The following EYS variants were observed in gnomAD, a reference collection of about 807,000 sequenced individuals.
EYS encodes the protein EGF-like photoreceptor maintenance factor.
A neutral mutation model predicts 282.1 loss-of-function variants in EYS; 250 were observed. The observed-to-expected ratio is 0.89, with a 90% CI of 0.80 to 0.98. The LOEUF (loss-of-function observed/expected upper bound fraction) is 0.98. EYS is among the 50% of genes least tolerant of loss of function. EYS has a pLI of 0.00. For synonymous variants in EYS, 1,355 were observed against 1,282.9 expected (o/e 1.06, Z -1.20); for missense variants, 4,016 against 3,709.0 (o/e 1.08, Z -2.15).
At chr6:64,328,564 A>G (rs952818893) in intron 29 of EYS, among the ~76,000 whole-genome samples, 3 of 152,190 alleles carry the variant, frequency 2.0e-5, no homozygotes, top group African/African-American at 2.4e-5. Context: ...GCTGCGGGTA[A>G]TCAGTGTATG....
chr6:64,564,225 G>C (rs940737682), intron 26 of EYS, among the ~76,000 whole-genome samples: 2 of 142,446 alleles, frequency 1.4e-5, no homozygotes, highest in African/African-American at 5.2e-5. Context: ...AGTGTGCAAG[G>C]GTTTCCTTTT....
intron 15 of EYS, among the ~76,000 whole-genome samples, chr6:64,940,620 G>A (rs1769057398): frequency 6.6e-6 from 1 of 151,856 alleles, no homozygotes. Context: ...ATGTCTCTGG[G>A]TCTTTTTATT....
intron 22 of EYS, among the ~76,000 whole-genome samples, chr6:64,709,584 A>G (rs1022741441): frequency 6.6e-6 from 1 of 152,204 alleles, no homozygotes; most frequent in Non-Finnish European, 1.5e-5. Context: ...ATTATTTACC[A>G]TAATCACTTC....
intron 30 of EYS, among the ~76,000 whole-genome samples, chr6:64,298,097 G>T (rs1561914783): frequency 6.6e-6 from 1 of 152,098 alleles, no homozygotes; most frequent in Non-Finnish European, 1.5e-5. Flanking sequence ...GAATCCTGCA[G>T]TGTGAAATGA....
intron 19 of EYS, among the ~76,000 whole-genome samples, chr6:64,881,767 A>G (rs1766926361): frequency 6.6e-6 from 1 of 151,836 alleles, no homozygotes; most frequent in Non-Finnish European, 1.5e-5. Flanking sequence ...TTGCATCTGG[A>G]TAGTAAATCT....
intron 22 of EYS, among the ~76,000 whole-genome samples, chr6:64,706,508 A>G (rs1771022857): frequency 6.6e-6 from 1 of 152,204 alleles, no homozygotes. Context: ...AGAAATAATC[A>G]GTAGACTAAA....
chr6:64,118,658 A>G (rs773550186), intron 31 of EYS, among the ~76,000 whole-genome samples: 1 of 152,174 alleles, frequency 6.6e-6, no homozygotes, highest in Non-Finnish European at 1.5e-5. Context: ...TCAAAAGCAC[A>G]GGCAACAAAA....
intron 31 of EYS, among the ~76,000 whole-genome samples, chr6:64,113,366 T>C (rs1010361956): frequency 6.6e-6 from 1 of 152,208 alleles, no homozygotes; most frequent in Non-Finnish European, 1.5e-5. Flanking sequence ...TTGAATATTA[T>C]GTAATCTTTT....
At chr6:63,736,907 G>A (rs371488890) in intron 41 of EYS, among the ~76,000 whole-genome samples, 1 of 152,040 alleles carries the variant, frequency 6.6e-6, no homozygotes, top group Non-Finnish European at 1.5e-5. Context: ...TTGGTGTATA[G>A]GAATGCTTGT....
chr6:65,652,036 T>G (rs1384949171), intron 1 of EYS, among the ~76,000 whole-genome samples: 1 of 151,956 alleles, frequency 6.6e-6, no homozygotes. Context: ...GCTCCATTTT[T>G]TTCTGATGTA....
At chr6:64,366,142 G>A (rs1454660071) in intron 29 of EYS, among the ~76,000 whole-genome samples, 1 of 152,008 alleles carries the variant, frequency 6.6e-6, no homozygotes, top group Admixed American at 6.6e-5. Flanking sequence ...TCTGCCATTA[G>A]GAAGTGAAGT....
At chr6:64,394,443 A>G (rs1036785808) in intron 28 of EYS, among the ~76,000 whole-genome samples, 5 of 152,194 alleles carry the variant, frequency 3.3e-5, no homozygotes, top group African/African-American at 7.2e-5. Context: ...ATATAGATCA[A>G]TGGAACAGAA....
intron 29 of EYS, among the ~76,000 whole-genome samples, chr6:64,351,425 C>G (rs1033319503): frequency 6.6e-6 from 1 of 151,414 alleles, no homozygotes; most frequent in Non-Finnish European, 1.5e-5. Flanking sequence ...CTCTATCTAT[C>G]TATGCATCCA....
rs1286304117 is a variant in EYS, at chr6:65,367,086, G to A, written c.1300-13469C>T. Among the ~76,000 whole-genome samples the A allele has an allele frequency of 2.0e-5, 3 of 151,584 alleles. No individual in the cohort carries two copies. The Admixed American group carries it at 2.0e-4, about 10-fold the overall frequency. On this transcript the variant is annotated intron_variant, in intron 8 of 42. Coordinates refer to ENST00000503581, the MANE Select transcript of EYS (RefSeq NM_001142800.2). Reference sequence around the variant, plus strand: ...TAACATCCATAGGTTATGGGGATTAGGACACAGAGGACACAGGGGAAAATT... The same window carrying A: ...TAACATCCATAGGTTATGGGGATTAAGACACAGAGGACACAGGGGAAAATT...
intron 26 of EYS, among the ~76,000 whole-genome samples, chr6:64,447,476 A>T (rs901773539): frequency 6.6e-6 from 1 of 151,768 alleles, no homozygotes; most frequent in Non-Finnish European, 1.5e-5. Flanking sequence ...TTTTCCTGGC[A>T]ATGTAAAGAT....
chr6:64,272,091 C>T (rs1014643104), intron 30 of EYS, among the ~76,000 whole-genome samples: 1 of 152,084 alleles, frequency 6.6e-6, no homozygotes, highest in African/African-American at 2.4e-5. Flanking sequence ...ATTCACTCTA[C>T]TAGTTTTGTT....
At chr6:65,182,633 T>A (rs1765418948) in intron 12 of EYS, among the ~76,000 whole-genome samples, 1 of 151,918 alleles carries the variant, frequency 6.6e-6, no homozygotes, top group Non-Finnish European at 1.5e-5. Flanking sequence ...TCCTCACAAA[T>A]CTATTAGTCT....
At chr6:65,674,847 A>G (rs1299292553) in intron 1 of EYS, among the ~76,000 whole-genome samples, 1 of 152,070 alleles carries the variant, frequency 6.6e-6, no homozygotes, top group East Asian at 1.9e-4. Flanking sequence ...CTTCAATACT[A>G]TAATGGTAGC....
chr6:64,547,543 T>C (rs1026742258), intron 26 of EYS, among the ~76,000 whole-genome samples: 5 of 152,222 alleles, frequency 3.3e-5, no homozygotes, highest in Non-Finnish European at 5.9e-5. Flanking sequence ...AGGTTGCTGA[T>C]TGGTGTGTTT....
Sources: allele counts gnomAD v4.1 joint callset (sites outside exome capture counted in the v4.1 genomes callset), GRCh38; gene constraint gnomAD v4.1.1; transcripts MANE v1.5; gene names NCBI Gene and HGNC (gene_info 2026-07-23, HGNC 2026-07-21).